LRRC66: variants seen among roughly 807,000 people sequenced by gnomAD.
LRRC66 encodes the protein leucine rich repeat containing 66.
A neutral mutation model predicts 24.6 loss-of-function variants in LRRC66; 29 were observed. The ratio of observed to expected loss-of-function variants is 1.18; its 90% confidence interval spans 0.88 to 1.61. LRRC66 has a LOEUF of 1.61. Among genes scored for constraint, LRRC66 ranks in the 40% most tolerant of loss-of-function variants. The pLI, the probability that LRRC66 is intolerant of heterozygous loss-of-function variation, is 0.00. For synonymous variants in LRRC66, 411 were observed against 397.6 expected (o/e 1.03, Z -0.40); for missense variants, 1,124 against 1,058.0 (o/e 1.06, Z -0.87).
intron 2 of LRRC66, among the ~76,000 whole-genome samples, chr4:52,016,360 G>A (rs1008493653): frequency 1.3e-5 from 2 of 152,118 alleles, no homozygotes; most frequent in East Asian, 1.9e-4. Context: ...ATATAAAGGA[G>A]GTGCTTAGCA....
At chr4:51,997,711 T>TA in intron 4 of LRRC66, 37 bp downstream of exon 4, 1 of 1,568,934 alleles carries the variant, frequency 6.4e-7, no homozygotes. Flanking sequence ...TTTTTCATTA[T>TA]AAATGGAGCC....
chr4:51,995,652 G>T lies in LRRC66; in HGVS notation c.1370C>A (p.Pro457His). The change falls in exon 5 of 5, where the codon CCT (proline) becomes CAT (histidine). Residue 457 changes from proline (P) to histidine (H), a missense_variant. Transcript: ENST00000682860. ...PHLSLYENQT[P>H]FWVTQPHPHA... ...TGGGTGTGGCTGTGTCACCCAGAAA[G>T]GGGTCTGGTTCTCGTAGAGGCTTAG... 6.2e-7 allele frequency: 1 copy of T among 1,614,098 alleles called. No homozygotes were observed. The highest frequency in any genetic ancestry group is 1.1e-5 in the South Asian group (1 of 91,060).
chr4:51,994,602 C>G lies in LRRC66; in HGVS notation c.2420G>C (p.Arg807Thr). 1 of 1,614,218 alleles carries G rather than the reference C, an allele frequency of 6.2e-7. No individual in the cohort carries two copies. Among genetic ancestry groups the G allele is most frequent in the Non-Finnish European group, 8.5e-7 (1 of 1,180,036 alleles). The stretch of plus-strand genomic sequence containing the variant: ...CCCTAAGGGACTATTCCCTGGTGAC[C>G]TGGGCCAGGGTGACAGGCCCTCAGA... ...DRSEGLSPWP[R>T]SPGNSPLGDE... The change falls in exon 5 of 5, where the codon AGG (arginine) becomes ACG (threonine). Residue 807 changes from arginine (R) to threonine (T), a missense_variant. Coordinates refer to ENST00000682860, the MANE Select transcript of LRRC66 (RefSeq NM_001024611.3).
intron 1 of LRRC66, chr4:52,018,267 A>G (rs1208024605): frequency 1.0e-6 from 1 of 984,920 alleles, no homozygotes; most frequent in Non-Finnish European, 1.2e-6. Flanking sequence ...ATGTAATACG[A>G]TACAGAAACA....
In LRRC66 at chr4:51,995,386, C is replaced by T; in HGVS notation, c.1636G>A (p.Glu546Lys). Residue 546 changes from glutamate to lysine, a missense_variant, in exon 5 of 5, where the codon GAG (glutamate) becomes AAG (lysine). Coordinates refer to ENST00000682860, the MANE Select transcript of LRRC66 (RefSeq NM_001024611.3). ...EWTYETVAQE[E>K]PLSAHSVGVS... ...CCCACTGAATGTGCACTGAGAGGCT[C>T]TTCCTGGGCCACAGTTTCATAAGTC... is the stretch of plus-strand genomic sequence containing the variant. 1.2e-6 allele frequency: 2 copies of T among 1,614,206 alleles called. No individual in the cohort carries two copies. Among genetic ancestry groups the T allele is most frequent in the Non-Finnish European group, 1.7e-6 (2 of 1,180,038 alleles).
Position 52,017,630 on chromosome 4 carries a change from A to G in LRRC66, c.-5-12T>C. The G allele has an allele frequency of 6.6e-7, 1 of 1,524,860 alleles. No individual in the cohort carries two copies. Among genetic ancestry groups the G allele is most frequent in the Non-Finnish European group, 8.7e-7 (1 of 1,147,538 alleles). 94.5% of individuals were successfully genotyped at this position (1,524,860 alleles called of 1,614,324 possible). A position where few individuals can be genotyped will look rare whatever the true frequency, so the allele number is the denominator to read the frequency against. On this transcript the variant is annotated splice_polypyrimidine_tract_variant and intron_variant, in intron 1 of 4. Transcript: ENST00000682860. ...GTTTTTCATAATGCCTGGAAAAAGG[A>G]AAATGAATTGACTTATTCACAATAA...
At chr4:52,012,079 T>A (rs1394301921) in intron 2 of LRRC66, among the ~76,000 whole-genome samples, 1 of 151,746 alleles carries the variant, frequency 6.6e-6, no homozygotes, top group East Asian at 1.9e-4. Context: ...CCCAGCTACA[T>A]GGAAGGCTAA....
chr4:52,003,222 C>T lies in LRRC66; in HGVS notation c.666+1G>A, dbSNP rs1736494587. On this transcript the variant is annotated splice_donor_variant, in intron 3 of 4. Transcript: ENST00000682860. LOFTEE classifies it high-confidence loss of function. ...AAATATTATAAAAATGATTTTAGAA[C>T]CTGTAATTTTTTGAGGTCCTTGAAG... is the stretch of plus-strand genomic sequence containing the variant. 1 of 1,602,856 alleles carries T rather than the reference C, an allele frequency of 6.2e-7. No homozygotes were observed. The highest frequency in any genetic ancestry group is 1.1e-5 in the South Asian group (1 of 88,962).
rs1314773151 is a variant in LRRC66 at position 51,997,964 on chromosome 4, T to C, written c.667-27A>G. 6 of 1,589,332 alleles carry C rather than the reference T, an allele frequency of 3.8e-6. No individual in the cohort carries two copies. The South Asian group carries it at 4.4e-5, about 12-fold the overall frequency. ...TGTTTGAGAAGAAACAAGTTTAGGATGGTCTGTGGATAAAGACATTTACAG... is the reference window on the plus strand; with the variant it reads ...TGTTTGAGAAGAAACAAGTTTAGGACGGTCTGTGGATAAAGACATTTACAG... On this transcript the variant is annotated intron_variant, in intron 3 of 4. Coordinates refer to ENST00000682860, the MANE Select transcript of LRRC66 (RefSeq NM_001024611.3).
Position 51,995,130 on chromosome 4 carries a change from T to C in LRRC66, c.1892A>G (p.Asp631Gly). ...CCTTGGCTGCTGTATGCTCAGCAAA[T>C]CAATGGATGAACTCACTTGCCTTTC... Reference protein sequence around the residue: ...SKERQVSSSIDLLSIQQPRLS... With the variant: ...SKERQVSSSIGLLSIQQPRLS... Residue 631 changes from aspartate (D) to glycine (G), a missense_variant, in exon 5 of 5, where the codon GAT (aspartate) becomes GGT (glycine). Asp to Gly is a moderately conservative substitution (Grantham distance 94). Coordinates refer to ENST00000682860, the MANE Select transcript of LRRC66 (RefSeq NM_001024611.3). 2 of 1,614,208 alleles carry C rather than the reference T, an allele frequency of 1.2e-6. No homozygotes were observed. The highest frequency in any genetic ancestry group is 1.7e-6 in the Non-Finnish European group (2 of 1,180,040).
chr4:51,999,858 G>A (rs1037605821), intron 3 of LRRC66, among the ~76,000 whole-genome samples: 1 of 152,128 alleles, frequency 6.6e-6, no homozygotes, highest in Non-Finnish European at 1.5e-5. Context: ...ATAAATCACT[G>A]CATTTAAGAA....
intron 3 of LRRC66, among the ~76,000 whole-genome samples, chr4:51,998,529 G>A (rs1057500228): frequency 6.6e-6 from 1 of 152,166 alleles, no homozygotes; most frequent in Non-Finnish European, 1.5e-5. Flanking sequence ...TGGAATTACA[G>A]GCACGCACCT....
At position 51,995,888 on chromosome 4, in the gene LRRC66, C is replaced by T. The variant is rs373547671; in HGVS notation, c.1134G>A (p.Ala378=). 17 of 1,614,128 alleles carry T rather than the reference C, an allele frequency of 1.1e-5. No homozygotes were observed. In the African/African-American group the frequency reaches 2.0e-4, roughly 19 times the overall value. Residue 378 remains alanine, a synonymous_variant, in exon 5 of 5, where the codon GCG becomes GCA. Transcript: ENST00000682860. ...ATGTGATGAACACTGACAGGCACAC[C>T]GCCAGAGCCAGGTCCTGGGGAGCGT... ...KEDAPQDLAL[A]VCLSVFITFL... is the part of the protein sequence containing the mutation.
intron 2 of LRRC66, among the ~76,000 whole-genome samples, chr4:52,011,850 A>C (rs116719580): frequency 6.6e-6 from 1 of 152,210 alleles, no homozygotes; most frequent in African/African-American, 2.4e-5. Flanking sequence ...TTTAAGGTCA[A>C]CAAACAAGTA....
chr4:51,995,667 T>TGTCACCCAGAA lies in LRRC66; in HGVS notation c.1354_1355insTTCTGGGTGAC (p.Tyr452PhefsTer13). The TGTCACCCAGAA allele has an allele frequency of 2.5e-6, 4 of 1,614,140 alleles. No homozygotes were observed. The highest frequency in any genetic ancestry group is 3.4e-6 in the Non-Finnish European group (4 of 1,180,022). ...CACCCAGAAAGGGGTCTGGTTCTCG[T>TGTCACCCAGAA]AGAGGCTTAGATGAGGAAATACTTG... On this transcript the variant is annotated frameshift_variant, in exon 5 of 5. Transcript: ENST00000682860. LOFTEE classifies it low-confidence loss of function (END_TRUNC).
Position 51,995,765 on chromosome 4 carries a change from C to T in LRRC66, c.1257G>A (p.Ala419=), listed in dbSNP as rs772856818. The T allele has an allele frequency of 4.0e-5, 64 of 1,614,018 alleles. No individual in the cohort carries two copies. The highest frequency in any genetic ancestry group is 5.3e-5 in the Non-Finnish European group (63 of 1,180,024). The change falls in exon 5 of 5, where the codon GCG becomes GCA. Residue 419 remains alanine (A), a synonymous_variant. Transcript: ENST00000682860. ...CATCGTAGAAGCCCTCGTTTGAATA[C>T]GCGTTGTCCAGGCCAGGGCTTTTGC... ...CQSKSPGLDN[A]YSNEGFYDDM... is the part of the protein sequence containing the mutation.
At chr4:52,011,027 G>C (rs933618617) in intron 2 of LRRC66, among the ~76,000 whole-genome samples, 1 of 152,124 alleles carries the variant, frequency 6.6e-6, no homozygotes, top group Non-Finnish European at 1.5e-5. Context: ...GGAGATCAGC[G>C]GTTTCCTGGG....
In LRRC66 at chr4:52,017,545, AT is replaced by A; in HGVS notation, c.68del (p.Asn23MetfsTer21). 1 of 1,610,844 alleles carries A rather than the reference AT, an allele frequency of 6.2e-7. No individual in the cohort carries two copies. Among genetic ancestry groups the A allele is most frequent in the Non-Finnish European group, 8.5e-7 (1 of 1,178,712 alleles). ...IGLYFTGIMT[N>X]ASRKSNILFN... Reference sequence around the variant, plus strand: ...ATAAAATATTGCTTTTTCTTGATGCATTTGTCATTATTCCAGTAAAATAAAG... The same window carrying A: ...ATAAAATATTGCTTTTTCTTGATGCATTGTCATTATTCCAGTAAAATAAAG... On this transcript the variant is annotated frameshift_variant, in exon 2 of 5. Transcript: ENST00000682860. LOFTEE classifies it high-confidence loss of function.
intron 2 of LRRC66, among the ~76,000 whole-genome samples, chr4:52,010,567 C>T (rs928009642): frequency 1.3e-5 from 2 of 152,102 alleles, no homozygotes; most frequent in Admixed American, 6.6e-5. Flanking sequence ...CACTTATAAG[C>T]GAGAATATAT....
Sources: allele counts gnomAD v4.1 joint callset (sites outside exome capture counted in the v4.1 genomes callset), GRCh38; gene constraint gnomAD v4.1.1; transcripts MANE v1.5; gene names NCBI Gene and HGNC (gene_info 2026-07-23, HGNC 2026-07-21).